Variants in RADIL observed in about 807,000 individuals in gnomAD.
RADIL encodes ras-associating and dilute domain-containing protein.
In RADIL, 99 loss-of-function variants were observed where a neutral mutation model predicts 97.6. The ratio of observed to expected loss-of-function variants is 1.01; its 90% CI spans 0.86 to 1.20. The LOEUF (loss-of-function observed/expected upper bound fraction) is 1.20. RADIL is among the 50% of genes most tolerant of loss of function. RADIL has a pLI of 0.00. For synonymous variants in RADIL, 803 were observed against 691.8 expected, an observed-to-expected ratio of 1.16 and a Z score of -2.52; for missense variants, 1,765 against 1,498.9, an observed-to-expected ratio of 1.18 and a Z score of -2.93.
rs370334624 is a variant in RADIL, at chr7:4,822,449, G to C, written c.1560C>G (p.Ile520Met). ...GCATGTAGAGTGGGCATTTCTGCTG[G>C]ATAAAGTACAGGAGCTCGATGGAGT... ...MSNSIELLYF[I>M]QQKCPLYMQS... The change falls in exon 6 of 15, where the codon ATC becomes ATG. Residue 520 changes from isoleucine to methionine, a missense_variant. Coordinates refer to ENST00000399583, the MANE Select transcript of RADIL (RefSeq NM_018059.5). This position sits in a 1 kb window ranked among gnomAD's most constrained non-coding sequence, Gnocchi z 5.3. 1.2e-6 allele frequency: 2 copies of C among 1,613,068 alleles called. No individual in the cohort carries two copies. Among genetic ancestry groups the C allele is most frequent in the Non-Finnish European group, 1.7e-6 (2 of 1,179,980 alleles).
At position 4,822,486 on chromosome 7, in the gene RADIL, A is replaced by T; in HGVS notation, c.1523T>A (p.Phe508Tyr). ...DLVPDLQPILFWMSNSIELLY... is the reference protein window; with the variant it reads ...DLVPDLQPILYWMSNSIELLY... The stretch of plus-strand genomic sequence containing the variant: ...GAGCTCGATGGAGTTAGACATCCAG[A>T]AAAGAATGGGCTGCAAGTCTGGAAC... The change falls in exon 6 of 15, where the codon TTC (phenylalanine) becomes TAC (tyrosine). Residue 508 changes from phenylalanine to tyrosine, a missense_variant. By Grantham distance (22) the Phe-to-Tyr change is conservative. Transcript: ENST00000399583. This position sits in a 1 kb window ranked among gnomAD's most constrained non-coding sequence, Gnocchi z 5.3. 4.3e-6 allele frequency: 7 copies of T among 1,613,088 alleles called. No individual in the cohort carries two copies. The highest frequency in any genetic ancestry group is 5.9e-6 in the Non-Finnish European group (7 of 1,179,998).
At position 4,817,248 on chromosome 7, in the gene RADIL, A is replaced by G; in HGVS notation, c.1719T>C (p.Tyr573=). The G allele has an allele frequency of 6.2e-7, 1 of 1,611,852 alleles. No homozygotes were observed. The highest frequency in any genetic ancestry group is 8.5e-7 in the Non-Finnish European group (1 of 1,179,136). Residue 573 remains tyrosine (Y), a synonymous_variant, in exon 7 of 15, where the codon TAT becomes TAC. Coordinates refer to ENST00000399583, the MANE Select transcript of RADIL (RefSeq NM_018059.5). The surrounding 1 kb of genome is among the most constrained non-coding windows in gnomAD (Gnocchi z 8.3). The part of the protein sequence containing the change: ...VLYAFQQCVY[Y]VSKSLYICLP... ...GAGCCCGTCCGTGCACCTTGGAGAC[A>G]TAGTAGACGCACTGCTGGAAGGCGT... is the stretch of plus-strand genomic sequence containing the variant.
chr7:4,852,435 G>A (rs754898567), intron 2 of RADIL, among the ~76,000 whole-genome samples: 1 of 151,990 alleles, frequency 6.6e-6, no homozygotes, highest in African/African-American at 2.4e-5. Context: ...TTTACCTTCC[G>A]TTTCCTCCTA....
At chr7:4,862,943 T>A (rs186409850) in intron 2 of RADIL, among the ~76,000 whole-genome samples, 5 of 151,920 alleles carry the variant, frequency 3.3e-5, no homozygotes, top group African/African-American at 9.7e-5. Context: ...ATAAAAAATA[T>A]AATCTTACCC....
At chr7:4,861,633 G>A in intron 2 of RADIL, 2 of 1,610,408 alleles carry the variant, frequency 1.2e-6, no homozygotes, top group Non-Finnish European at 1.7e-6. Context: ...ATCCTGCGCT[G>A]CAGTTCCTCT....
chr7:4,818,933 G>A lies in RADIL; in HGVS notation c.1616-1582C>T, dbSNP rs1237565727. Among the ~76,000 whole-genome samples, 1 of 151,948 alleles carries A rather than the reference G, an allele frequency of 6.6e-6. No individual in the cohort carries two copies. The highest frequency in any genetic ancestry group is 1.5e-5 in the Non-Finnish European group (1 of 67,968). ...CCATTTCTTCTTTTATTTAATTTTTGGTAGAGATGGGATCTCACTATGTTG... is the reference window on the plus strand; with the variant it reads ...CCATTTCTTCTTTTATTTAATTTTTAGTAGAGATGGGATCTCACTATGTTG... On this transcript the variant is annotated intron_variant, in intron 6 of 14. Transcript: ENST00000399583. This position sits in a 1 kb window ranked among gnomAD's most constrained non-coding sequence, Gnocchi z 7.1.
rs760795102 is a variant in RADIL, at chr7:4,877,872, G to A, written c.268C>T (p.Arg90Cys). ...SVLATGTSSA[R>C]ELVKEALERY... ...TCCAGCGCCTCCTTCACCAGCTCAC[G>A]GGCGCTGGAGGTGCCGGTGGCCAGG... The change falls in exon 2 of 15, where the codon CGT becomes TGT. Residue 90 changes from arginine to cysteine, a missense_variant. Transcript: ENST00000399583. 3.4e-5 allele frequency: 54 copies of A among 1,605,488 alleles called. No individual in the cohort carries two copies. Among genetic ancestry groups the A allele is most frequent in the Admixed American group, 2.3e-4 (14 of 60,004 alleles).
chr7:4,836,035 T>C (rs953415030), intron 3 of RADIL, among the ~76,000 whole-genome samples: 1 of 152,190 alleles, frequency 6.6e-6, no homozygotes, highest in African/African-American at 2.4e-5. Flanking sequence ...GCCCATGCCC[T>C]TCCCCAGAGC....
At chr7:4,832,647 G>C (rs1052073395) in intron 4 of RADIL, among the ~76,000 whole-genome samples, 4 of 150,510 alleles carry the variant, frequency 2.7e-5, no homozygotes, top group African/African-American at 9.8e-5. Context: ...GCTGAGGCAG[G>C]AGAATCCCTT....
rs1447022420 is a variant in RADIL, at chr7:4,815,114, C to T, written c.2139+164G>A. 6.6e-6 allele frequency among the ~76,000 whole-genome samples: 1 copy of T among 152,198 alleles called. No homozygotes were observed. Among genetic ancestry groups the T allele is most frequent in the East Asian group, 1.9e-4 (1 of 5,196 alleles). On this transcript the variant is annotated intron_variant, in intron 9 of 14. Transcript: ENST00000399583. The surrounding 1 kb of genome is among the most constrained non-coding windows in gnomAD (Gnocchi z 8.0). ...CATTATCCTGTCTACCGCAGGTGGA[C>T]ACAGCCATGGAATGGAAGCAACTTT...
Position 4,835,095 on chromosome 7 carries a change from G to T in RADIL, c.928C>A (p.Gln310Lys). ...TCCAGGACCAGCCTCCCCGCGGCCTGGCCGCTGTCCGGGAGCGGTTGCCGG... is the reference window on the plus strand; with the variant it reads ...TCCAGGACCAGCCTCCCCGCGGCCTTGCCGCTGTCCGGGAGCGGTTGCCGG... ...IRRQPLPDSG[Q>K]AAGRLVLEPI... Residue 310 changes from glutamine to lysine, a missense_variant, in exon 4 of 15, where the codon CAG (glutamine) becomes AAG (lysine). Coordinates refer to ENST00000399583, the MANE Select transcript of RADIL (RefSeq NM_018059.5). The surrounding 1 kb of genome is among the most constrained non-coding windows in gnomAD (Gnocchi z 5.8). 6.2e-7 allele frequency: 1 copy of T among 1,608,480 alleles called. No individual in the cohort carries two copies.
At chr7:4,812,300 A>T (rs1423348500) in intron 9 of RADIL, among the ~76,000 whole-genome samples, 1 of 152,310 alleles carries the variant, frequency 6.6e-6, no homozygotes, top group East Asian at 1.9e-4. Flanking sequence ...TTTATCAGCA[A>T]AAAGTTGGTT....
At chr7:4,844,340 G>A (rs1783519147) in intron 2 of RADIL, among the ~76,000 whole-genome samples, 1 of 152,006 alleles carries the variant, frequency 6.6e-6, no homozygotes. Context: ...AGCTACTCGG[G>A]AGGCTGAGGC....
In RADIL at chr7:4,856,209, T is replaced by A. The variant is rs148079043; in HGVS notation, c.536-19604A>T. Among the ~76,000 whole-genome samples the A allele has an allele frequency of 6.3e-3, 960 of 152,148 alleles. 11 individuals are homozygous for A. The highest frequency in any genetic ancestry group is 0.022 in the African/African-American group (917 of 41,506). On this transcript the variant is annotated intron_variant, in intron 2 of 14. Transcript: ENST00000399583. ...ACCTCCTGGGTTCAAGCGATTCTCC[T>A]GCATCGGCCTCCTGGGACTGACAGG... is the stretch of plus-strand genomic sequence containing the variant.
In RADIL at chr7:4,835,197, C is replaced by T; in HGVS notation, c.826G>A (p.Gly276Ser). 1 of 1,611,848 alleles carries T rather than the reference C, an allele frequency of 6.2e-7. No individual in the cohort carries two copies. Among genetic ancestry groups the T allele is most frequent in the Non-Finnish European group, 8.5e-7 (1 of 1,179,836 alleles). The change falls in exon 4 of 15, where the codon GGC becomes AGC. Residue 276 changes from glycine to serine, a missense_variant. Transcript: ENST00000399583. This position sits in a 1 kb window ranked among gnomAD's most constrained non-coding sequence, Gnocchi z 5.8. Reference protein sequence around the residue: ...YVLNRDRHTVGQRTPSSKPSI... With the variant: ...YVLNRDRHTVSQRTPSSKPSI... ...GGCTTGCTGGAGGGGGTCCGCTGGC[C>T]CACCGTGTGCCGGTCCCGGTTGAGC...
In RADIL at chr7:4,815,199, G is replaced by C; in HGVS notation, c.2139+79C>G. ...CAAGAAGCCCCGTCCCGGCCCCCAG[G>C]CTTGGTTTGTGAGCCAGGGACCCAC... On this transcript the variant is annotated intron_variant, in intron 9 of 14. Coordinates refer to ENST00000399583, the MANE Select transcript of RADIL (RefSeq NM_018059.5). This position sits in a 1 kb window ranked among gnomAD's most constrained non-coding sequence, Gnocchi z 8.0. The C allele has an allele frequency of 2.1e-6, 3 of 1,428,268 alleles. No individual in the cohort carries two copies. The highest frequency in any genetic ancestry group is 9.2e-7 in the Non-Finnish European group (1 of 1,083,164). The allele number at this position is 1,428,268 out of a possible 1,614,324, so 88.5% of individuals were successfully genotyped here. A position where few individuals can be genotyped will look rare whatever the true frequency, so the allele number is the denominator to read the frequency against.
In RADIL at chr7:4,799,654, C is replaced by G; in HGVS notation, c.3098G>C (p.Ser1033Thr). ...GDRILEVNGS[S>T]LLGLGYLRAV... ...CCTCAGGTAGCCAAGGCCCAGGAGG[C>G]TGCTGCCATTCACCTCCAGGATACG... Residue 1033 changes from serine to threonine, a missense_variant, in exon 14 of 15, where the codon AGC (serine) becomes ACC (threonine). Physicochemically the swap from Ser to Thr is moderately conservative, Grantham distance 58. Coordinates refer to ENST00000399583, the MANE Select transcript of RADIL (RefSeq NM_018059.5). 1 of 1,601,380 alleles carries G rather than the reference C, an allele frequency of 6.2e-7. No individual in the cohort carries two copies. Among genetic ancestry groups the G allele is most frequent in the Non-Finnish European group, 8.5e-7 (1 of 1,175,020 alleles).
intron 14 of RADIL, 58 bp downstream of exon 14, chr7:4,799,572 C>T: frequency 1.9e-6 from 3 of 1,609,752 alleles, no homozygotes. Context: ...ACCCCAGGTC[C>T]ACTCCCCTGA....
chr7:4,868,794 CT>C lies in RADIL; in HGVS notation c.535+8810del, dbSNP rs529246720. On this transcript the variant is annotated intron_variant, in intron 2 of 14. Coordinates refer to ENST00000399583, the MANE Select transcript of RADIL (RefSeq NM_018059.5). ...ATTTTGATATAGTCAAATCTATCTA[CT>C]TTTTTTCCTTACAGATTGCACTTTA... Among the ~76,000 whole-genome samples, 461 of 152,282 alleles carry C rather than the reference CT, an allele frequency of 3.0e-3. 2 individuals carry two copies. The highest frequency in any genetic ancestry group is 0.011 in the African/African-American group (441 of 41,552).
Sources: gnomAD v4.1 joint callset for allele counts (sites outside exome capture counted in the v4.1 genomes callset) on GRCh38, gnomAD v4.1.1 for gene constraint, Gnocchi (gnomAD v3.1) non-coding constraint, MANE v1.5 for transcripts, NCBI Gene and HGNC (gene_info 2026-07-23, HGNC 2026-07-21) for gene names.